CAST: variants seen among roughly 807,000 people sequenced by gnomAD.
CAST encodes the protein calpastatin, also known as MIR583 host.
CAST carries 76 observed loss-of-function variants against 119.6 expected under a neutral mutation model. The ratio of observed to expected loss-of-function variants is 0.64; its 90% CI spans 0.53 to 0.77. The LOEUF is 0.77. Ranked by LOEUF, CAST falls within the 30% of genes least tolerant of loss-of-function variation. The pLI, the probability that CAST is intolerant of heterozygous loss-of-function variation, is 0.00. For synonymous variants in CAST, 319 were observed against 331.6 expected, an observed-to-expected ratio of 0.96 and a Z score of 0.41; for missense variants, 953 against 946.5, an observed-to-expected ratio of 1.01 and a Z score of -0.09.
At chr5:96,483,267 C>T in the CAST span, among the ~76,000 whole-genome samples, 1 of 152,106 alleles carries the variant, frequency 6.6e-6, no homozygotes, top group South Asian at 2.1e-4. Context: ...TAGTCAAAAT[C>T]TTTAACAACC....
chr5:96,453,049 A>G, the CAST span, among the ~76,000 whole-genome samples: 1 of 151,908 alleles, frequency 6.6e-6, no homozygotes, highest in Admixed American at 6.6e-5. Flanking sequence ...CTAATGAACA[A>G]ATATGATCCC....
At chr5:96,421,147 GT>G in the CAST span, among the ~76,000 whole-genome samples, 1 of 152,236 alleles carries the variant, frequency 6.6e-6, no homozygotes, top group Admixed American at 6.5e-5. Context: ...TAGGAGAGAA[GT>G]TGAAAGTCTC....
chr5:96,750,807 C>A (rs1581265706), intron 20 of CAST, 125 bp downstream of exon 20: 1 of 542,624 alleles, frequency 1.8e-6, no homozygotes, highest in South Asian at 2.5e-5. Context: ...AATCTGATAT[C>A]ATTATAGTAT....
the CAST span, among the ~76,000 whole-genome samples, chr5:96,228,851 G>A: frequency 6.6e-6 from 1 of 152,032 alleles, no homozygotes; most frequent in Non-Finnish European, 1.5e-5. Flanking sequence ...CAAATGTTTA[G>A]CAAAACTAAA....
intron 3 of CAST, chr5:96,702,729 CGGGGCGGGGCCGCCGGGCAGG>C (rs1455792580): frequency 1.0e-6 from 1 of 980,598 alleles, no homozygotes; most frequent in Non-Finnish European, 1.2e-6. Flanking sequence ...CCCGGGCTCC[CGGGGCGGGGCCGCCGGGCAGG>C]GGGGCGGGGA....
chr5:96,238,216 A>T, the CAST span, among the ~76,000 whole-genome samples: 2 of 151,996 alleles, frequency 1.3e-5, no homozygotes, highest in African/African-American at 4.8e-5. Context: ...ACATATTTTT[A>T]AAAAATGACA....
chr5:96,122,021 G>T, the CAST span, among the ~76,000 whole-genome samples: 15 of 152,080 alleles, frequency 9.9e-5, no homozygotes, highest in Non-Finnish European at 2.2e-4. Context: ...CTGCAAAATT[G>T]TGTCTTTTAG....
At chr5:96,015,497 A>C in the CAST span, among the ~76,000 whole-genome samples, 1 of 152,118 alleles carries the variant, frequency 6.6e-6, no homozygotes, top group Non-Finnish European at 1.5e-5. Flanking sequence ...CTTTTGGTAC[A>C]ATTTTTTTTA....
the CAST span, among the ~76,000 whole-genome samples, chr5:96,198,697 T>C: frequency 6.6e-6 from 1 of 152,160 alleles, no homozygotes; most frequent in Non-Finnish European, 1.5e-5. Flanking sequence ...AAACTAATCA[T>C]TATGAAGCCC....
the CAST span, among the ~76,000 whole-genome samples, chr5:95,997,843 A>G: frequency 6.6e-6 from 1 of 152,074 alleles, no homozygotes; most frequent in African/African-American, 2.4e-5. Flanking sequence ...GGGTACCCCA[A>G]CTGAATAAGG....
At chr5:96,296,750 C>G in the CAST span, among the ~76,000 whole-genome samples, 1 of 152,190 alleles carries the variant, frequency 6.6e-6, no homozygotes, top group East Asian at 1.9e-4. Context: ...GTCTGCTCAA[C>G]TGTGTTGGTT....
At chr5:96,518,401 G>A in the CAST span, among the ~76,000 whole-genome samples, 35 of 152,292 alleles carry the variant, frequency 2.3e-4, 1 homozygote, top group African/African-American at 8.2e-4. Context: ...TGAGAGACTC[G>A]TGCTTCAACA....
rs189446943 is a variant in CAST, at chr5:96,738,699, G to T, written c.798+752G>T. On this transcript the variant is annotated intron_variant, in intron 11 of 31. Transcript: ENST00000675179. ...TGTAATCCCAGCACTTTGGGAGGCC[G>T]AGGCAGGCGGATCATCTGAGGTCAG... is the stretch of plus-strand genomic sequence containing the variant. Among the ~76,000 whole-genome samples, 165 of 152,154 alleles carry T rather than the reference G, an allele frequency of 1.1e-3. 1 individual carries two copies. Among genetic ancestry groups the T allele is most frequent in the Non-Finnish European group, 2.0e-3 (139 of 67,978 alleles).
At chr5:96,256,427 A>C in the CAST span, among the ~76,000 whole-genome samples, 1 of 150,244 alleles carries the variant, frequency 6.7e-6, no homozygotes, top group Non-Finnish European at 1.5e-5. Flanking sequence ...ATGATGATAC[A>C]TTCTGAGAAA....
At chr5:96,581,314 T>C (rs1489472917) in intron 1 of CAST, among the ~76,000 whole-genome samples, 1 of 152,160 alleles carries the variant, frequency 6.6e-6, no homozygotes, top group African/African-American at 2.4e-5. Context: ...ACCTCAGTAG[T>C]GATCATGGCA....
At chr5:96,426,966 G>A in the CAST span, among the ~76,000 whole-genome samples, 1 of 152,154 alleles carries the variant, frequency 6.6e-6, no homozygotes, top group Non-Finnish European at 1.5e-5. Flanking sequence ...TAAAGTGCTT[G>A]TATTTTCAAG....
intron 1 of CAST, among the ~76,000 whole-genome samples, chr5:96,666,423 T>A (rs1749351825): frequency 6.6e-6 from 1 of 152,206 alleles, no homozygotes; most frequent in Admixed American, 6.5e-5. Context: ...ATTAAAGGTG[T>A]TTCTTAGCCT....
the CAST span, among the ~76,000 whole-genome samples, chr5:96,097,958 GTA>G: frequency 6.6e-6 from 1 of 152,164 alleles, no homozygotes; most frequent in South Asian, 2.1e-4. Flanking sequence ...CAGTGAGTAA[GTA>G]TTCATTTTTC....
chr5:96,191,108 G>A, the CAST span, among the ~76,000 whole-genome samples: 1 of 152,138 alleles, frequency 6.6e-6, no homozygotes, highest in Non-Finnish European at 1.5e-5. Flanking sequence ...TTACCATCTT[G>A]AACTAGAACT....
Sources: gnomAD v4.1 joint callset for allele counts (sites outside exome capture counted in the v4.1 genomes callset) on GRCh38, gnomAD v4.1.1 for gene constraint, MANE v1.5 for transcripts, NCBI Gene and HGNC (gene_info 2026-07-23, HGNC 2026-07-21) for gene names.